Variants in IFT74 observed in about 807,000 individuals in gnomAD.
IFT74 encodes the protein intraflagellar transport protein 74 homolog.
A neutral mutation model predicts 96.7 loss-of-function variants in IFT74; 92 were observed. That is an observed-to-expected ratio of 0.95 (90% confidence interval 0.80 to 1.13). IFT74 has a LOEUF of 1.13. IFT74 is among the 50% of genes most tolerant of loss of function. The pLI is 0.00. For missense variants in IFT74, 811 were observed against 698.2 expected (o/e 1.16, Z -1.82); for synonymous variants, 223 against 213.2 (o/e 1.05, Z -0.40).
chr9:26,996,221 T>G, intron 8 of IFT74: 1 of 839,274 alleles, frequency 1.2e-6, no homozygotes. Flanking sequence ...TCTTTTACAT[T>G]TTTTATACAA....
chr9:26,992,052 G>A (rs910560444), intron 8 of IFT74, among the ~76,000 whole-genome samples: 1 of 151,624 alleles, frequency 6.6e-6, no homozygotes, highest in Non-Finnish European at 1.5e-5. Flanking sequence ...AAAAAATAGA[G>A]AAATATATAA....
intron 18 of IFT74, among the ~76,000 whole-genome samples, chr9:27,059,980 A>C (rs1284400956): frequency 1.3e-5 from 2 of 152,234 alleles, no homozygotes; most frequent in Non-Finnish European, 2.9e-5. Flanking sequence ...TCAGAAAAAC[A>C]ATATAATTCT....
intron 13 of IFT74, among the ~76,000 whole-genome samples, chr9:27,033,615 G>A (rs1011163737): frequency 4.7e-5 from 7 of 149,490 alleles, no homozygotes; most frequent in African/African-American, 1.5e-4. Flanking sequence ...TGCACATTAA[G>A]CGCTTCTGAC....
intron 8 of IFT74, among the ~76,000 whole-genome samples, chr9:26,997,145 G>T (rs1319176122): frequency 6.6e-6 from 1 of 151,660 alleles, no homozygotes; most frequent in Non-Finnish European, 1.5e-5. Context: ...CTGGGAGGCG[G>T]AGGTTGTGGT....
intron 19 of IFT74, among the ~76,000 whole-genome samples, chr9:27,061,168 T>TGCGC (rs889964676): frequency 6.9e-6 from 1 of 145,496 alleles, no homozygotes; most frequent in Non-Finnish European, 1.5e-5. Context: ...TGTGTGTGTG[T>TGCGC]GCGCACGCAC....
At chr9:27,011,301 T>G (rs766944059) in intron 9 of IFT74, among the ~76,000 whole-genome samples, 1 of 152,202 alleles carries the variant, frequency 6.6e-6, no homozygotes, top group East Asian at 1.9e-4. Context: ...AGTACCAAAA[T>G]ATAGTTAATC....
At chr9:26,974,999 G>A (rs948543290) in intron 2 of IFT74, among the ~76,000 whole-genome samples, 3 of 152,164 alleles carry the variant, frequency 2.0e-5, no homozygotes, top group African/African-American at 4.8e-5. Flanking sequence ...TCTATCTCAC[G>A]TTGAAGTCCT....
At chr9:27,006,824 A>G (rs1828808164) in intron 8 of IFT74, among the ~76,000 whole-genome samples, 1 of 118,826 alleles carries the variant, frequency 8.4e-6, no homozygotes, top group Non-Finnish European at 1.8e-5. Context: ...TTTACTTATT[A>G]TTGTGTGTTT....
At chr9:26,959,657 G>C (rs1197508507) in intron 1 of IFT74, among the ~76,000 whole-genome samples, 1 of 152,182 alleles carries the variant, frequency 6.6e-6, no homozygotes, top group Non-Finnish European at 1.5e-5. Context: ...TGGCTGTTGA[G>C]ACTGGAGGGC....
In IFT74 at chr9:26,956,491, A is replaced by G. The variant is rs1193367851; in HGVS notation, c.-45A>G. ...AGTTAAGGCACCCGCGAGCCGGGCA[A>G]CTGCCCTCCTTCCGCGCCGGCGGAG... is the stretch of plus-strand genomic sequence containing the variant. On this transcript the variant is annotated 5_prime_UTR_variant, in exon 1 of 20. Coordinates refer to ENST00000380062, the MANE Select transcript of IFT74 (RefSeq NM_025103.4). The G allele has an allele frequency of 1.3e-5, 2 of 152,354 alleles. No homozygotes were observed. Among genetic ancestry groups the G allele is most frequent in the East Asian group, 3.8e-4 (2 of 5,200 alleles). 9.4% of individuals were successfully genotyped at this position (152,354 alleles called of 1,614,324 possible).
At chr9:26,973,018 G>A (rs911761524) in intron 2 of IFT74, among the ~76,000 whole-genome samples, 6 of 152,256 alleles carry the variant, frequency 3.9e-5, no homozygotes, top group African/African-American at 1.4e-4. Flanking sequence ...AAAGACGTTA[G>A]GGGAGTCTGT....
At chr9:26,974,128 G>A (rs1436300174) in intron 2 of IFT74, among the ~76,000 whole-genome samples, 1 of 152,108 alleles carries the variant, frequency 6.6e-6, no homozygotes, top group African/African-American at 2.4e-5. Flanking sequence ...TTGAACGGGG[G>A]TTTTTTGGAT....
At chr9:27,000,918 A>G (rs1399821487) in intron 8 of IFT74, among the ~76,000 whole-genome samples, 1 of 152,142 alleles carries the variant, frequency 6.6e-6, no homozygotes, top group Non-Finnish European at 1.5e-5. Flanking sequence ...AGCAAACTGT[A>G]TGTTTGTATG....
rs896942996 is a variant in IFT74, at chr9:27,063,376, G to A, written c.*640G>A. 1.8e-4 allele frequency among the ~76,000 whole-genome samples: 28 copies of A among 152,160 alleles called. No individual in the cohort carries two copies. The highest frequency in any genetic ancestry group is 6.7e-4 in the African/African-American group (28 of 41,532). On this transcript the variant is annotated 3_prime_UTR_variant, in exon 20 of 20. Transcript: ENST00000380062. ...AGGTAAAAGACTACATTTATAGTGG[G>A]CTGTTTTGGACTATGGCTACTGCTG... is the stretch of plus-strand genomic sequence containing the variant.
intron 12 of IFT74, among the ~76,000 whole-genome samples, chr9:27,020,939 C>G (rs919130675): frequency 6.6e-6 from 1 of 152,122 alleles, no homozygotes; most frequent in African/African-American, 2.4e-5. Context: ...CTCTTCCCAC[C>G]AAGTCCCCGG....
intron 2 of IFT74, among the ~76,000 whole-genome samples, chr9:26,966,958 C>T (rs1027629258): frequency 1.3e-5 from 2 of 151,790 alleles, no homozygotes; most frequent in Admixed American, 6.6e-5. Context: ...GCATCTTTGT[C>T]AAAAATGTGT....
At chr9:26,974,377 A>G (rs189424818) in intron 2 of IFT74, among the ~76,000 whole-genome samples, 310 of 152,234 alleles carry the variant, frequency 2.0e-3, no homozygotes, top group African/African-American at 7.1e-3. Context: ...TGGAGCTTAA[A>G]CATACCCGGC....
chr9:26,982,943 T>G (rs1366865936), intron 4 of IFT74, among the ~76,000 whole-genome samples: 1 of 152,172 alleles, frequency 6.6e-6, no homozygotes, highest in Non-Finnish European at 1.5e-5. Context: ...ATCAATGACT[T>G]TTTCTTATTC....
At chr9:26,964,879 A>G (rs1826539418) in intron 2 of IFT74, among the ~76,000 whole-genome samples, 1 of 152,174 alleles carries the variant, frequency 6.6e-6, no homozygotes, top group Non-Finnish European at 1.5e-5. Context: ...AGCTTAATAT[A>G]AGAGAGTGTG....
Sources: gnomAD v4.1 joint callset for allele counts (sites outside exome capture counted in the v4.1 genomes callset) on GRCh38, gnomAD v4.1.1 for gene constraint, MANE v1.5 for transcripts, NCBI Gene and HGNC (gene_info 2026-07-23, HGNC 2026-07-21) for gene names.